PKNOX2: variants seen among roughly 807,000 people sequenced by gnomAD.
PKNOX2 encodes PBX/knotted 1 homeobox 2.
In PKNOX2, 14 loss-of-function variants were observed where a neutral mutation model predicts 53.1. That is an observed-to-expected ratio of 0.26 (90% CI 0.17 to 0.41). The LOEUF (loss-of-function observed/expected upper bound fraction) is 0.41. Ranked by LOEUF, PKNOX2 falls within the 10% of genes least tolerant of loss-of-function variation. The pLI is 1.00. For synonymous variants in PKNOX2, 257 were observed against 242.8 expected, an observed-to-expected ratio of 1.06 and a Z score of -0.54; for missense variants, 496 against 602.8, an observed-to-expected ratio of 0.82 and a Z score of 1.85.
chr11:125,180,488 T>G (rs1313612453), intron 1 of PKNOX2, among the ~76,000 whole-genome samples: 1 of 152,198 alleles, frequency 6.6e-6, no homozygotes, highest in East Asian at 1.9e-4. Context: ...AATGTCAGAA[T>G]TGGAAGGAAC....
intron 2 of PKNOX2, among the ~76,000 whole-genome samples, chr11:125,315,606 G>C (rs1949130687): frequency 6.6e-6 from 1 of 152,200 alleles, no homozygotes; most frequent in Non-Finnish European, 1.5e-5. Context: ...GCCTTGCAGG[G>C]CTGGGAGGGC....
intron 1 of PKNOX2, among the ~76,000 whole-genome samples, chr11:125,220,790 G>A (rs1318450588): frequency 2.6e-5 from 4 of 152,204 alleles, no homozygotes; most frequent in Non-Finnish European, 5.9e-5. Flanking sequence ...GCCAGCATCT[G>A]TAGCACTAGG....
At chr11:125,371,964 C>A (rs1372458850) in intron 5 of PKNOX2, among the ~76,000 whole-genome samples, 1 of 152,148 alleles carries the variant, frequency 6.6e-6, no homozygotes, top group Non-Finnish European at 1.5e-5. Context: ...TTGTGTCAAC[C>A]TTATTTCTGT....
chr11:125,191,600 G>A (rs528677106), intron 1 of PKNOX2, among the ~76,000 whole-genome samples: 14 of 152,298 alleles, frequency 9.2e-5, no homozygotes, highest in South Asian at 6.2e-4. Flanking sequence ...TGCCTCCGGC[G>A]AGCATCTCAT....
chr11:125,235,388 G>A (rs1175516965), intron 2 of PKNOX2, among the ~76,000 whole-genome samples: 1 of 152,242 alleles, frequency 6.6e-6, no homozygotes, highest in African/African-American at 2.4e-5. Context: ...GCCGGAGAAG[G>A]AAGCTCTTGA....
intron 1 of PKNOX2, among the ~76,000 whole-genome samples, chr11:125,203,545 T>C (rs540163552): frequency 6.6e-6 from 1 of 152,274 alleles, no homozygotes; most frequent in South Asian, 2.1e-4. Flanking sequence ...ACAGTGTTCT[T>C]TGGGGACAGG....
At chr11:125,408,028 G>A (rs966712734) in intron 7 of PKNOX2, among the ~76,000 whole-genome samples, 2 of 152,266 alleles carry the variant, frequency 1.3e-5, no homozygotes, top group African/African-American at 2.4e-5. Flanking sequence ...GTTTTTATCT[G>A]TTCACCTTGC....
intron 2 of PKNOX2, among the ~76,000 whole-genome samples, chr11:125,314,443 C>G (rs1261597661): frequency 6.6e-6 from 1 of 152,148 alleles, no homozygotes; most frequent in African/African-American, 2.4e-5. Context: ...ACTCAGAGCT[C>G]GCGTCCAGAT....
chr11:125,209,888 T>C (rs904074741), intron 1 of PKNOX2, among the ~76,000 whole-genome samples: 1 of 152,092 alleles, frequency 6.6e-6, no homozygotes, highest in Non-Finnish European at 1.5e-5. Flanking sequence ...ACCTGGTCTC[T>C]GCTGCAGTTC....
At chr11:125,243,310 G>T (rs1323752627) in intron 2 of PKNOX2, among the ~76,000 whole-genome samples, 2 of 152,196 alleles carry the variant, frequency 1.3e-5, no homozygotes, top group Non-Finnish European at 2.9e-5. Context: ...CAGCCCAGAG[G>T]CCCTTCCCTC....
intron 9 of PKNOX2, chr11:125,411,095 ATCCTGCACT>A: frequency 1.9e-6 from 1 of 514,602 alleles, no homozygotes; most frequent in East Asian, 3.4e-5. Flanking sequence ...ACATCAAAGG[ATCCTGCACT>A]TCCTATTCCT....
intron 2 of PKNOX2, among the ~76,000 whole-genome samples, chr11:125,284,808 GC>G (rs1308324055): frequency 2.0e-5 from 3 of 152,004 alleles, no homozygotes; most frequent in Non-Finnish European, 4.4e-5. Flanking sequence ...AGGTCATTGG[GC>G]CCCCCTGCTG....
chr11:125,209,045 A>G (rs1939506355), intron 1 of PKNOX2, among the ~76,000 whole-genome samples: 1 of 152,108 alleles, frequency 6.6e-6, no homozygotes, highest in Non-Finnish European at 1.5e-5. Context: ...TTTGGTGGTG[A>G]AAGGGAAGAG....
intron 5 of PKNOX2, among the ~76,000 whole-genome samples, chr11:125,383,587 A>G (rs1293306867): frequency 6.6e-6 from 1 of 152,176 alleles, no homozygotes; most frequent in Non-Finnish European, 1.5e-5. Flanking sequence ...ACTGCACTCC[A>G]GCCTGGATGA....
intron 1 of PKNOX2, among the ~76,000 whole-genome samples, chr11:125,176,447 C>T (rs1464159856): frequency 6.6e-6 from 1 of 152,296 alleles, no homozygotes; most frequent in Non-Finnish European, 1.5e-5. Flanking sequence ...GTTCAAGTTC[C>T]GTGGGTAATT....
chr11:125,195,129 A>G (rs1188010416), intron 1 of PKNOX2, among the ~76,000 whole-genome samples: 1 of 152,174 alleles, frequency 6.6e-6, no homozygotes, highest in Non-Finnish European at 1.5e-5. Flanking sequence ...ACCACTCCAC[A>G]AGAAACATGG....
chr11:125,327,389 T>C (rs1370519486), intron 2 of PKNOX2, among the ~76,000 whole-genome samples: 1 of 152,234 alleles, frequency 6.6e-6, no homozygotes, highest in Non-Finnish European at 1.5e-5. Flanking sequence ...AAGCTCTTGC[T>C]TCCTTTCTTG....
chr11:125,365,793 T>C (rs2136268682), intron 4 of PKNOX2, among the ~76,000 whole-genome samples: 1 of 152,334 alleles, frequency 6.6e-6, no homozygotes, highest in East Asian at 1.9e-4. Context: ...CAGGCTCTCA[T>C]GGAAAATACC....
chr11:125,345,218 C>T (rs949527942), intron 3 of PKNOX2, among the ~76,000 whole-genome samples: 3 of 152,150 alleles, frequency 2.0e-5, no homozygotes, highest in African/African-American at 7.2e-5. Context: ...GGGAGCTTGC[C>T]CCTCTTCCCA....
Sources: gnomAD v4.1 joint callset for allele counts (sites outside exome capture counted in the v4.1 genomes callset) on GRCh38, gnomAD v4.1.1 for gene constraint, MANE v1.5 for transcripts, NCBI Gene and HGNC (gene_info 2026-07-23, HGNC 2026-07-21) for gene names.